NEXMIF: variants seen among roughly 807,000 people sequenced by gnomAD.
NEXMIF encodes the protein neurite extension and migration factor.
In NEXMIF, 8 loss-of-function variants were observed where a neutral mutation model predicts 62.1. The observed-to-expected ratio is 0.13, with a 90% confidence interval of 0.08 to 0.23. The LOEUF (loss-of-function observed/expected upper bound fraction) is 0.23, where lower values mean the gene tolerates loss of function less well. Among genes scored for constraint, NEXMIF ranks in the 10% least tolerant of loss-of-function variants. The pLI is 1.00. For missense variants in NEXMIF, 976 were observed against 1,113.3 expected (o/e 0.88, Z 1.75); for synonymous variants, 404 against 416.6 (o/e 0.97, Z 0.37).
intron 1 of NEXMIF, among the ~76,000 whole-genome samples, chrX:74,774,056 G>T (rs925893382): frequency 9.1e-6 from 1 of 110,409 alleles, no homozygotes; most frequent in Admixed American, 9.7e-5. Flanking sequence ...ACACAATAGT[G>T]TCTTATCTAT....
At chrX:74,796,157 ATATAT>A (rs2147467886) in intron 1 of NEXMIF, among the ~76,000 whole-genome samples, 1 of 53,658 alleles carries the variant, frequency 1.9e-5, no homozygotes, top group Admixed American at 2.9e-4. Flanking sequence ...ATATATACAT[ATATAT>A]TATATATATT....
chrX:74,912,581 T>C (rs1296820302), intron 1 of NEXMIF, among the ~76,000 whole-genome samples: 4 of 111,283 alleles, frequency 3.6e-5, no homozygotes, highest in African/African-American at 1.3e-4. Flanking sequence ...TTTCTCTAGA[T>C]AGAACTCACA....
intron 1 of NEXMIF, among the ~76,000 whole-genome samples, chrX:74,790,898 G>C (rs1315487849): frequency 1.8e-5 from 2 of 109,590 alleles, no homozygotes; most frequent in African/African-American, 3.3e-5. Flanking sequence ...GGGTTTTCTA[G>C]ATATACAATC....
intron 1 of NEXMIF, among the ~76,000 whole-genome samples, chrX:74,875,728 T>C (rs945717496): frequency 2.7e-5 from 3 of 111,673 alleles, no homozygotes; most frequent in African/African-American, 9.8e-5. Context: ...CTTGGGAGAG[T>C]GTATGTGTCC....
intron 1 of NEXMIF, among the ~76,000 whole-genome samples, chrX:74,807,528 T>C (rs1265878440): frequency 1.8e-5 from 2 of 110,481 alleles, no homozygotes; most frequent in Non-Finnish European, 3.8e-5. Context: ...AGTGGCGCCA[T>C]CTTGGCTCAC....
At chrX:74,831,044 C>A (rs2080435020) in intron 1 of NEXMIF, among the ~76,000 whole-genome samples, 1 of 110,268 alleles carries the variant, frequency 9.1e-6, no homozygotes, top group African/African-American at 3.3e-5. Flanking sequence ...GCCTTTAATA[C>A]CTTTCTCTAG....
Position 74,798,196 on chromosome X carries a change from TA to T in NEXMIF, c.-47-52500del, listed in dbSNP as rs2080318264. Reference sequence around the variant, plus strand: ...TTAATAACTAGGTGACAGGTTGATCTATTCAGCAAACCATCATGGTTTGAAA... The same window carrying T: ...TTAATAACTAGGTGACAGGTTGATCTTTCAGCAAACCATCATGGTTTGAAA... On this transcript the variant is annotated intron_variant, in intron 1 of 3. Transcript: ENST00000055682. Among the ~76,000 whole-genome samples the T allele has an allele frequency of 2.7e-5, 3 of 111,570 alleles. No individual in the cohort carries two copies. In the Admixed American group the frequency reaches 2.9e-4, roughly 11 times the overall value.
chrX:74,794,751 C>A (rs772845539), intron 1 of NEXMIF, among the ~76,000 whole-genome samples: 3 of 111,511 alleles, frequency 2.7e-5, no homozygotes, highest in Non-Finnish European at 3.8e-5. Context: ...AGGTGCCGTC[C>A]GTCACCCCTT....
At chrX:74,922,094 T>C (rs753636015) in intron 1 of NEXMIF, among the ~76,000 whole-genome samples, 90 of 111,669 alleles carry the variant, frequency 8.1e-4, no homozygotes, top group Non-Finnish European at 1.6e-3. Flanking sequence ...ACCTCCATAG[T>C]GACCGTGTCC....
intron 1 of NEXMIF, among the ~76,000 whole-genome samples, chrX:74,821,528 T>C (rs1314622192): frequency 1.8e-5 from 2 of 111,833 alleles, no homozygotes; most frequent in Non-Finnish European, 3.8e-5. Context: ...ATTACTCCTA[T>C]AGATGAACAA....
intron 1 of NEXMIF, among the ~76,000 whole-genome samples, chrX:74,920,782 C>G (rs919473618): frequency 4.5e-5 from 5 of 111,715 alleles, no homozygotes; most frequent in Non-Finnish European, 7.5e-5. Context: ...AGTCTTTACA[C>G]CTGTTCTTGA....
chrX:74,782,296 G>C (rs1209080286), intron 1 of NEXMIF, among the ~76,000 whole-genome samples: 1 of 111,915 alleles, frequency 8.9e-6, no homozygotes, highest in Non-Finnish European at 1.9e-5. Flanking sequence ...ACTTGTAAGA[G>C]AGTTCCCTTT....
chrX:74,872,939 T>A (rs904038329), intron 1 of NEXMIF, among the ~76,000 whole-genome samples: 6 of 110,619 alleles, frequency 5.4e-5, no homozygotes, highest in Admixed American at 4.8e-4. Flanking sequence ...TTATTTTTTA[T>A]TTTTTTAGTT....
At chrX:74,811,520 A>G (rs767762467) in intron 1 of NEXMIF, among the ~76,000 whole-genome samples, 1 of 112,498 alleles carries the variant, frequency 8.9e-6, no homozygotes, top group Non-Finnish European at 1.9e-5. Context: ...TTACAGACAA[A>G]CCCAAATCCT....
chrX:74,747,827 G>T (rs2080130396), intron 1 of NEXMIF, among the ~76,000 whole-genome samples: 1 of 111,295 alleles, frequency 9.0e-6, no homozygotes. Context: ...TGTTGGCCAG[G>T]CTGATCTTGA....
chrX:74,783,373 A>T (rs1006010728), intron 1 of NEXMIF, among the ~76,000 whole-genome samples: 1 of 111,518 alleles, frequency 9.0e-6, no homozygotes, highest in African/African-American at 3.3e-5. Context: ...TCTAGGCAAA[A>T]CCTGCCAAAT....
At chrX:74,795,606 T>C (rs758458807) in intron 1 of NEXMIF, among the ~76,000 whole-genome samples, 1 of 111,546 alleles carries the variant, frequency 9.0e-6, no homozygotes. Flanking sequence ...TGTATGGTAT[T>C]GGGGTGGTGA....
chrX:74,826,653 T>A (rs1392335306), intron 1 of NEXMIF, among the ~76,000 whole-genome samples: 1 of 111,594 alleles, frequency 9.0e-6, no homozygotes, highest in African/African-American at 3.3e-5. Flanking sequence ...TTTTGTTGTC[T>A]GCACTTTTGG....
intron 1 of NEXMIF, among the ~76,000 whole-genome samples, chrX:74,791,245 T>C (rs2080281290): frequency 8.9e-6 from 1 of 112,040 alleles, no homozygotes; most frequent in Non-Finnish European, 1.9e-5. Flanking sequence ...CATGTGGTTT[T>C]TGTCTTTGGC....
Sources: gnomAD v4.1 joint callset for allele counts (sites outside exome capture counted in the v4.1 genomes callset) on GRCh38, gnomAD v4.1.1 for gene constraint, MANE v1.5 for transcripts, NCBI Gene and HGNC (gene_info 2026-07-23, HGNC 2026-07-21) for gene names.